Variants in ST6GALNAC3 observed in about 807,000 individuals in gnomAD.
ST6GALNAC3 encodes the protein alpha-N-acetylgalactosaminide alpha-2,6-sialyltransferase 3.
ST6GALNAC3 carries 25 observed loss-of-function variants against 32.7 expected under a neutral mutation model. That is an observed-to-expected ratio of 0.76 (90% CI 0.56 to 1.07). The LOEUF (loss-of-function observed/expected upper bound fraction) is 1.07, where lower values mean the gene tolerates loss of function less well. Ranked by LOEUF, ST6GALNAC3 falls within the 50% of genes least tolerant of loss-of-function variation. The pLI is 0.00. For synonymous variants in ST6GALNAC3, 129 were observed against 133.1 expected (o/e 0.97, Z 0.21); for missense variants, 355 against 382.4 (o/e 0.93, Z 0.60).
intron 3 of ST6GALNAC3, among the ~76,000 whole-genome samples, chr1:76,448,303 C>A (rs981105958): frequency 6.6e-6 from 1 of 152,138 alleles, no homozygotes; most frequent in Non-Finnish European, 1.5e-5. Context: ...TGCCTGTACC[C>A]CCTCTGTATC....
At chr1:76,221,215 A>T (rs1655749556) in intron 1 of ST6GALNAC3, among the ~76,000 whole-genome samples, 1 of 152,212 alleles carries the variant, frequency 6.6e-6, no homozygotes, top group African/African-American at 2.4e-5. Flanking sequence ...AGAGGCACAC[A>T]GGTCATAATC....
intron 1 of ST6GALNAC3, among the ~76,000 whole-genome samples, chr1:76,217,977 T>C (rs1655564620): frequency 6.6e-6 from 1 of 152,182 alleles, no homozygotes; most frequent in South Asian, 2.1e-4. Flanking sequence ...GCTATAAACA[T>C]GCGTGTGCAA....
chr1:76,202,020 A>T (rs1242146890), intron 1 of ST6GALNAC3, among the ~76,000 whole-genome samples: 1 of 152,178 alleles, frequency 6.6e-6, no homozygotes, highest in East Asian at 1.9e-4. Context: ...AAAAGTAATG[A>T]ACTGACTCAG....
chr1:76,311,431 GC>G (rs980937197), intron 1 of ST6GALNAC3, among the ~76,000 whole-genome samples: 2 of 151,954 alleles, frequency 1.3e-5, no homozygotes, highest in African/African-American at 2.4e-5. Flanking sequence ...CCCTCTCCTA[GC>G]CCCCCATTCC....
At chr1:76,275,572 T>A (rs1659088195) in intron 1 of ST6GALNAC3, among the ~76,000 whole-genome samples, 1 of 152,282 alleles carries the variant, frequency 6.6e-6, no homozygotes, top group South Asian at 2.1e-4. Flanking sequence ...TCCCTCAGGA[T>A]GCTTCCTGGG....
At chr1:76,601,537 A>G (rs578044150) in intron 3 of ST6GALNAC3, among the ~76,000 whole-genome samples, 1 of 152,344 alleles carries the variant, frequency 6.6e-6, no homozygotes, top group African/African-American at 2.4e-5. Context: ...AAGGATAAAG[A>G]AAGAAAATTT....
intron 1 of ST6GALNAC3, among the ~76,000 whole-genome samples, chr1:76,285,988 GAC>G (rs1197670311): frequency 6.6e-6 from 1 of 151,954 alleles, no homozygotes; most frequent in Non-Finnish European, 1.5e-5. Context: ...GACAGATGGA[GAC>G]ACAGGAAAGA....
intron 1 of ST6GALNAC3, among the ~76,000 whole-genome samples, chr1:76,298,804 C>T (rs1254933828): frequency 4.6e-5 from 7 of 151,980 alleles, no homozygotes; most frequent in Non-Finnish European, 7.4e-5. Flanking sequence ...CTATCAGCAC[C>T]ACATGGGAAT....
intron 3 of ST6GALNAC3, among the ~76,000 whole-genome samples, chr1:76,625,728 C>T (rs978359019): frequency 6.6e-6 from 1 of 151,850 alleles, no homozygotes; most frequent in African/African-American, 2.4e-5. Context: ...CAAAGTTGTT[C>T]GTTACTGTAG....
rs539458335 is a variant in ST6GALNAC3, at chr1:76,285,285, A to T, written c.19-28520A>T. ...AAGTAAAAGAATGTGTGAAAAAAAT[A>T]ACATGAGCCCCAGAGTCTAGAGCAG... On this transcript the variant is annotated intron_variant, in intron 1 of 4. Transcript: ENST00000328299. 4.6e-5 allele frequency among the ~76,000 whole-genome samples: 7 copies of T among 152,334 alleles called. 1 individual carries two copies. Among genetic ancestry groups the T allele is most frequent in the African/African-American group, 1.4e-4 (6 of 41,586 alleles).
chr1:76,404,164 G>T (rs1653638950), intron 2 of ST6GALNAC3, among the ~76,000 whole-genome samples: 1 of 152,042 alleles, frequency 6.6e-6, no homozygotes, highest in South Asian at 2.1e-4. Flanking sequence ...AGGAACCAAG[G>T]TAAATGCCAC....
intron 3 of ST6GALNAC3, among the ~76,000 whole-genome samples, chr1:76,552,271 G>A (rs1664683002): frequency 6.6e-6 from 1 of 152,156 alleles, no homozygotes; most frequent in African/African-American, 2.4e-5. Context: ...TCTGTGGTGG[G>A]AATGTGGACC....
intron 1 of ST6GALNAC3, among the ~76,000 whole-genome samples, chr1:76,177,065 A>C (rs1229027140): frequency 6.6e-6 from 1 of 152,214 alleles, no homozygotes; most frequent in Non-Finnish European, 1.5e-5. Context: ...ACAGAGTAAG[A>C]CGTTGTCTAT....
At chr1:76,111,031 T>C (rs1242620612) in intron 1 of ST6GALNAC3, among the ~76,000 whole-genome samples, 1 of 152,174 alleles carries the variant, frequency 6.6e-6, no homozygotes, top group Non-Finnish European at 1.5e-5. Flanking sequence ...GGCAGAAGAC[T>C]GGATGCTGTG....
chr1:76,164,221 A>G (rs1651987016), intron 1 of ST6GALNAC3, among the ~76,000 whole-genome samples: 4 of 152,152 alleles, frequency 2.6e-5, no homozygotes, highest in Admixed American at 2.6e-4. Context: ...GTGAGGGTGC[A>G]AAGGAGAATG....
At chr1:76,325,439 G>T (rs1647049652) in intron 2 of ST6GALNAC3, among the ~76,000 whole-genome samples, 1 of 151,900 alleles carries the variant, frequency 6.6e-6, no homozygotes, top group Non-Finnish European at 1.5e-5. Flanking sequence ...TTTTTCTATT[G>T]CAATGCAGCC....
intron 3 of ST6GALNAC3, among the ~76,000 whole-genome samples, chr1:76,581,229 C>T (rs1646887712): frequency 6.6e-6 from 1 of 151,990 alleles, no homozygotes; most frequent in Admixed American, 6.6e-5. Flanking sequence ...CCACCAGATC[C>T]CATAAAGATC....
intron 1 of ST6GALNAC3, among the ~76,000 whole-genome samples, chr1:76,236,791 G>C (rs981726590): frequency 6.6e-6 from 1 of 152,146 alleles, no homozygotes; most frequent in Non-Finnish European, 1.5e-5. Flanking sequence ...ATAATGTATT[G>C]AGTTTGCATA....
At chr1:76,565,467 A>G (rs1665497462) in intron 3 of ST6GALNAC3, among the ~76,000 whole-genome samples, 1 of 152,166 alleles carries the variant, frequency 6.6e-6, no homozygotes, top group South Asian at 2.1e-4. Context: ...ATTCCTCTGG[A>G]AAATAGCAGG....
Sources: gnomAD v4.1 joint callset for allele counts (sites outside exome capture counted in the v4.1 genomes callset) on GRCh38, gnomAD v4.1.1 for gene constraint, MANE v1.5 for transcripts, NCBI Gene and HGNC (gene_info 2026-07-23, HGNC 2026-07-21) for gene names.